Variants in HIPK2 observed in about 807,000 individuals in gnomAD.
The protein encoded by HIPK2 is homeodomain-interacting protein kinase 2.
In HIPK2, 27 loss-of-function variants were observed where a neutral mutation model predicts 113.7. The ratio of observed to expected loss-of-function variants is 0.24; its 90% CI spans 0.17 to 0.33. HIPK2 has a LOEUF of 0.33. HIPK2 is among the 10% of genes least tolerant of loss of function. HIPK2 has a pLI of 1.00. For missense variants in HIPK2, 1,257 were observed against 1,588.0 expected (o/e 0.79, Z 3.54); for synonymous variants, 631 against 642.2 (o/e 0.98, Z 0.26).
rs1442084808 is a variant in HIPK2, at chr7:139,561,978, A to C, written c.*10949T>G. The C allele has an allele frequency of 6.6e-6, 1 of 152,244 alleles. No individual in the cohort carries two copies. Among genetic ancestry groups the C allele is most frequent in the African/African-American group, 2.4e-5 (1 of 41,462 alleles). The allele number at this position is 152,244 out of a possible 1,614,324, so 9.4% of individuals were successfully genotyped here. A position where few individuals can be genotyped will look rare whatever the true frequency, so the allele number is the denominator to read the frequency against. On this transcript the variant is annotated 3_prime_UTR_variant, in exon 15 of 15. Transcript: ENST00000406875. Reference sequence around the variant, plus strand: ...GCATTTTAGTAGCAAGGACTTGATCAGTTAAGAATTAGTTTTCTTGTAAAA... The same window carrying C: ...GCATTTTAGTAGCAAGGACTTGATCCGTTAAGAATTAGTTTTCTTGTAAAA...
intron 12 of HIPK2, 55 bp downstream of exon 12, chr7:139,596,662 C>A: frequency 6.3e-7 from 1 of 1,581,436 alleles, no homozygotes; most frequent in Non-Finnish European, 8.6e-7. Flanking sequence ...CAGATCTGCA[C>A]ACAATGCAAA....
At chr7:139,699,342 G>T (rs1794646182) in intron 2 of HIPK2, among the ~76,000 whole-genome samples, 1 of 152,136 alleles carries the variant, frequency 6.6e-6, no homozygotes, top group African/African-American at 2.4e-5. Flanking sequence ...ACGCTGTGCA[G>T]GCGAAATGGA....
chr7:139,577,032 A>G (rs774587459), intron 13 of HIPK2, among the ~76,000 whole-genome samples: 3 of 152,170 alleles, frequency 2.0e-5, no homozygotes, highest in East Asian at 3.8e-4. Flanking sequence ...GAAATTTCCA[A>G]TCAAATGCAC....
At chr7:139,730,483 C>A (rs187690104) in intron 1 of HIPK2, among the ~76,000 whole-genome samples, 5 of 152,148 alleles carry the variant, frequency 3.3e-5, no homozygotes, top group African/African-American at 1.2e-4. Context: ...GCCTCAGCCT[C>A]CCGAGTAGTG....
chr7:139,578,004 C>G (rs1476444460), intron 13 of HIPK2, among the ~76,000 whole-genome samples: 1 of 152,102 alleles, frequency 6.6e-6, no homozygotes, highest in Admixed American at 6.5e-5. Flanking sequence ...GCATGCACCA[C>G]CACGCCCAGC....
At chr7:139,575,454 C>G in intron 13 of HIPK2, 166 bp from the exon 14 acceptor site, 1 of 309,136 alleles carries the variant, frequency 3.2e-6, no homozygotes, top group Non-Finnish European at 4.7e-6. Context: ...TTTGCCTTGA[C>G]TCTGGATGCA....
At chr7:139,712,822 GA>G (rs1795111399) in intron 2 of HIPK2, among the ~76,000 whole-genome samples, 1 of 152,176 alleles carries the variant, frequency 6.6e-6, no homozygotes, top group African/African-American at 2.4e-5. Flanking sequence ...GACTGTCCTC[GA>G]AAAATCGGAT....
intron 2 of HIPK2, among the ~76,000 whole-genome samples, chr7:139,704,414 C>T (rs1794829264): frequency 1.3e-5 from 2 of 150,080 alleles, no homozygotes; most frequent in South Asian, 2.1e-4. Context: ...CATGCACCCC[C>T]TCCACACCCA....
At chr7:139,597,329 G>T (rs1307367884) in intron 11 of HIPK2, among the ~76,000 whole-genome samples, 2 of 152,172 alleles carry the variant, frequency 1.3e-5, no homozygotes. Flanking sequence ...AGCTGTGTTT[G>T]CCCCAACACA....
Position 139,571,762 on chromosome 7 carries a change from T to C in HIPK2, c.*1165A>G, listed in dbSNP as rs987164974. Reference sequence around the variant, plus strand: ...CAGTTTCTTGGAGTACCAGTGGAAGTAAACCCTCACGCCGCGTCTGTCGCT... The same window carrying C: ...CAGTTTCTTGGAGTACCAGTGGAAGCAAACCCTCACGCCGCGTCTGTCGCT... On this transcript the variant is annotated 3_prime_UTR_variant, in exon 15 of 15. Transcript: ENST00000406875. 3 of 152,112 alleles carry C rather than the reference T, an allele frequency of 2.0e-5. No homozygotes were observed. The highest frequency in any genetic ancestry group is 4.4e-5 in the Non-Finnish European group (3 of 68,038). 9.4% of individuals were successfully genotyped at this position (152,112 alleles called of 1,614,324 possible).
At chr7:139,597,039 G>A (rs928801344) in intron 11 of HIPK2, 41 bp from the exon 12 acceptor site, 2 of 1,554,806 alleles carry the variant, frequency 1.3e-6, no homozygotes, top group Admixed American at 1.8e-5. Flanking sequence ...AGGAAGGTCA[G>A]GCCCCACAAC....
chr7:139,684,350 A>C (rs894990480), intron 2 of HIPK2, among the ~76,000 whole-genome samples: 35 of 152,258 alleles, frequency 2.3e-4, no homozygotes, highest in African/African-American at 8.0e-4. Context: ...TTCAAGCGAA[A>C]GAAAGAGTTG....
intron 9 of HIPK2, among the ~76,000 whole-genome samples, chr7:139,608,916 T>C (rs1799721479): frequency 6.6e-6 from 1 of 152,208 alleles, no homozygotes; most frequent in African/African-American, 2.4e-5. Context: ...AAAGGCTCAG[T>C]TGGTCAAATA....
At chr7:139,744,381 C>G (rs1181855409) in intron 1 of HIPK2, among the ~76,000 whole-genome samples, 1 of 152,120 alleles carries the variant, frequency 6.6e-6, no homozygotes, top group Non-Finnish European at 1.5e-5. Flanking sequence ...CCCATAGAGA[C>G]AGAAAATAGA....
chr7:139,600,339 G>T, intron 11 of HIPK2, 78 bp downstream of exon 11: 1 of 1,494,320 alleles, frequency 6.7e-7, no homozygotes, highest in Non-Finnish European at 9.1e-7. Context: ...AGTGGGTGCT[G>T]ATACTCCCTA....
intron 2 of HIPK2, among the ~76,000 whole-genome samples, chr7:139,713,691 C>T (rs534989193): frequency 2.6e-5 from 4 of 152,336 alleles, no homozygotes; most frequent in African/African-American, 9.6e-5. Flanking sequence ...AAAGCCCTAG[C>T]AGCCAAGTCA....
chr7:139,564,296 A>G lies in HIPK2; in HGVS notation c.*8631T>C, dbSNP rs866651825. 26 of 195,970 alleles carry G rather than the reference A, an allele frequency of 1.3e-4. No homozygotes were observed. The highest frequency in any genetic ancestry group is 5.1e-4 in the African/African-American group (22 of 43,338). 12.1% of individuals were successfully genotyped at this position (195,970 alleles called of 1,614,324 possible). A position where few individuals can be genotyped will look rare whatever the true frequency, so the allele number is the denominator to read the frequency against. On this transcript the variant is annotated 3_prime_UTR_variant, in exon 15 of 15. Transcript: ENST00000406875. ...CCTCCCCTACAAAACGCTGATCAAA[A>G]TATCACCCCCGGCCCAGAAGTAGCA... is the stretch of plus-strand genomic sequence containing the variant.
intron 12 of HIPK2, among the ~76,000 whole-genome samples, chr7:139,595,738 C>A (rs1799185385): frequency 6.6e-6 from 1 of 152,170 alleles, no homozygotes; most frequent in Admixed American, 6.5e-5. Context: ...ATCAGTCTAT[C>A]TATACATTTT....
chr7:139,622,152 C>A (rs1266430245), intron 6 of HIPK2, among the ~76,000 whole-genome samples: 1 of 152,148 alleles, frequency 6.6e-6, no homozygotes, highest in Non-Finnish European at 1.5e-5. Context: ...GTGAAAAATG[C>A]ATTCCAAGTT....
Sources: gnomAD v4.1 joint callset for allele counts (sites outside exome capture counted in the v4.1 genomes callset) on GRCh38, gnomAD v4.1.1 for gene constraint, MANE v1.5 for transcripts, NCBI Gene and HGNC (gene_info 2026-07-23, HGNC 2026-07-21) for gene names.